The following ELFN1 variants were observed in gnomAD, a reference collection of about 807,000 sequenced individuals.
The protein encoded by ELFN1 is protein ELFN1.
A neutral mutation model predicts 7.6 loss-of-function variants in ELFN1; 6 were observed. That is an observed-to-expected ratio of 0.79 (90% confidence interval 0.43 to 1.56). ELFN1 has a LOEUF of 1.56. ELFN1 is among the 40% of genes most tolerant of loss of function. The probability of loss-of-function intolerance (pLI) is 0.01; values close to 1 mark genes in which losing one functional copy is unlikely to be tolerated. For synonymous variants in ELFN1, 657 were observed against 588.1 expected (o/e 1.12, Z -1.70); for missense variants, 1,169 against 1,232.2 (o/e 0.95, Z 0.77).
At chr7:1,680,541 C>T (rs1048033480) in intron 1 of ELFN1, among the ~76,000 whole-genome samples, 23 of 152,168 alleles carry the variant, frequency 1.5e-4, no homozygotes, top group East Asian at 5.8e-4. Context: ...TCCTGTGCGC[C>T]GACACCGTCA....
chr7:1,700,456 T>A (rs1562365535), intron 2 of ELFN1, among the ~76,000 whole-genome samples: 1 of 152,272 alleles, frequency 6.6e-6, no homozygotes, highest in African/African-American at 2.4e-5. Context: ...AATCTTTGCA[T>A]ACTTCTTCCC....
chr7:1,690,434 T>C (rs1355914632), intron 2 of ELFN1, among the ~76,000 whole-genome samples: 1 of 146,922 alleles, frequency 6.8e-6, no homozygotes, highest in African/African-American at 2.6e-5. Flanking sequence ...AATGGGTGAA[T>C]GGATGGATGA....
chr7:1,684,147 C>A (rs1283991865), intron 1 of ELFN1, among the ~76,000 whole-genome samples: 1 of 151,974 alleles, frequency 6.6e-6, no homozygotes, highest in Non-Finnish European at 1.5e-5. Context: ...GAGACCCTGT[C>A]TCCCCAAAAA....
intron 2 of ELFN1, 68 bp from the exon 3 acceptor site, chr7:1,709,023 C>A (rs969913337): frequency 7.9e-5 from 12 of 152,248 alleles, no homozygotes; most frequent in Non-Finnish European, 1.0e-4. Flanking sequence ...GGTCTTCCAG[C>A]AGCTGAGACG....
At chr7:1,674,184 G>C (rs555719233) in intron 1 of ELFN1, among the ~76,000 whole-genome samples, 2 of 150,542 alleles carry the variant, frequency 1.3e-5, no homozygotes, top group African/African-American at 4.9e-5. Flanking sequence ...CCCAGGAGCC[G>C]GTGGGGAAAC....
At position 1,705,968 on chromosome 7, in the gene ELFN1, C is replaced by T. The variant is rs1020291167; in HGVS notation, c.-455-3123C>T. 2.3e-4 allele frequency among the ~76,000 whole-genome samples: 35 copies of T among 152,304 alleles called. No individual in the cohort carries two copies. Among genetic ancestry groups the T allele is most frequent in the Non-Finnish European group, 2.9e-4 (20 of 68,028 alleles). On this transcript the variant is annotated intron_variant, in intron 2 of 3. Transcript: ENST00000424383. This position sits in a 1 kb window ranked among gnomAD's most constrained non-coding sequence, Gnocchi z 4.3. ...ACCCTGACAAAGGGATGGTCACGAT[C>T]GTCCTTGTTCTACAGGGAGGGAAAC...
At chr7:1,677,319 G>C (rs1778890156) in intron 1 of ELFN1, among the ~76,000 whole-genome samples, 1 of 152,180 alleles carries the variant, frequency 6.6e-6, no homozygotes, top group African/African-American at 2.4e-5. Context: ...CCCTCAGGGT[G>C]CCCACAGAAG....
At chr7:1,687,876 T>C (rs1397980224) in intron 1 of ELFN1, among the ~76,000 whole-genome samples, 182 bp from the exon 2 acceptor site, 1 of 152,094 alleles carries the variant, frequency 6.6e-6, no homozygotes, top group Non-Finnish European at 1.5e-5. Flanking sequence ...TTAAAAGTCA[T>C]ATTTGTCTTT....
rs758680396 is a variant in ELFN1, at chr7:1,744,602, C to T, written c.6C>T (p.Ala2=). 168 of 1,518,240 alleles carry T rather than the reference C, an allele frequency of 1.1e-4. 1 individual carries two copies. Among genetic ancestry groups the T allele is most frequent in the Admixed American group, 6.6e-5 (3 of 45,218 alleles). 94.0% of individuals were successfully genotyped at this position (1,518,240 alleles called of 1,614,324 possible). A position where few individuals can be genotyped will look rare whatever the true frequency, so the allele number is the denominator to read the frequency against. Residue 2 remains alanine (A), a synonymous_variant, in exon 4 of 4, where the codon GCC becomes GCT. Coordinates refer to ENST00000424383, the MANE Select transcript of ELFN1 (RefSeq NM_001128636.4). Reference sequence around the variant, plus strand: ...CTCCCTGCAGGGCGGTCCCGATGGCCGGGCGTGGGTGGGGCGCGCTGTGGG... The same window carrying T: ...CTCCCTGCAGGGCGGTCCCGATGGCTGGGCGTGGGTGGGGCGCGCTGTGGG... M[A]GRGWGALWVC... is the part of the protein sequence containing the mutation.
At chr7:1,708,288 T>TTTTCACC (rs1260591891) in intron 2 of ELFN1, among the ~76,000 whole-genome samples, 1 of 152,118 alleles carries the variant, frequency 6.6e-6, no homozygotes, top group Non-Finnish European at 1.5e-5. Flanking sequence ...AGTACGCTGG[T>TTTTCACC]GAAATGAGAT....
chr7:1,670,190 C>T (rs1193323615), upstream of ELFN1, among the ~76,000 whole-genome samples: 2 of 138,514 alleles, frequency 1.4e-5, no homozygotes, highest in East Asian at 4.2e-4. The surrounding 1 kb of genome is among the most constrained non-coding windows in gnomAD (Gnocchi z 6.4). Context: ...CGGGAGGGGG[C>T]AGGGCGAGCT....
intron 2 of ELFN1, among the ~76,000 whole-genome samples, chr7:1,688,738 A>G (rs984761482): frequency 6.6e-6 from 1 of 152,162 alleles, no homozygotes; most frequent in Non-Finnish European, 1.5e-5. Flanking sequence ...TTACAAAACT[A>G]TAGTACAGTG....
At position 1,745,904 on chromosome 7, in the gene ELFN1, C is replaced by G; in HGVS notation, c.1308C>G (p.Val436=). Residue 436 remains valine (V), a synonymous_variant, in exon 4 of 4, where the codon GTC becomes GTG. Coordinates refer to ENST00000424383, the MANE Select transcript of ELFN1 (RefSeq NM_001128636.4). ...LFGMVLVLGA[V]YYCLRRRRRQ... is the part of the protein sequence containing the mutation. ...GCATGGTGCTGGTGCTGGGCGCCGT[C>G]TACTACTGCCTGCGCAGGCGGCGGC... is the stretch of plus-strand genomic sequence containing the variant. The G allele has an allele frequency of 1.3e-6, 2 of 1,583,548 alleles. No homozygotes were observed. Among genetic ancestry groups the G allele is most frequent in the Non-Finnish European group, 1.7e-6 (2 of 1,166,712 alleles).
chr7:1,679,563 G>A (rs886378718), intron 1 of ELFN1, among the ~76,000 whole-genome samples: 2 of 152,160 alleles, frequency 1.3e-5, no homozygotes, highest in Non-Finnish European at 2.9e-5. Context: ...CCTCAGCCCC[G>A]TCCCTACCGA....
rs1028951484 is a variant in ELFN1, at chr7:1,670,614, C to G, written c.-549+260C>G. ...CCGGGGGCCCGGGTCGGGGTCGCTG[C>G]CGCAGCCCGCACGCTGCCCCGTGCC... On this transcript the variant is annotated intron_variant, in intron 1 of 3. Transcript: ENST00000424383. This position sits in a 1 kb window ranked among gnomAD's most constrained non-coding sequence, Gnocchi z 6.4. Among the ~76,000 whole-genome samples, 1 of 151,984 alleles carries G rather than the reference C, an allele frequency of 6.6e-6. No individual in the cohort carries two copies. The highest frequency in any genetic ancestry group is 1.5e-5 in the Non-Finnish European group (1 of 68,000).
At chr7:1,737,100 C>T (rs1433171918) in intron 3 of ELFN1, among the ~76,000 whole-genome samples, 3 of 152,204 alleles carry the variant, frequency 2.0e-5, no homozygotes, top group Non-Finnish European at 2.9e-5. Context: ...CTTCATGGCT[C>T]GAACACACCC....
chr7:1,746,521 C>G lies in ELFN1; in HGVS notation c.1925C>G (p.Ser642Cys). The change falls in exon 4 of 4, where the codon TCC (serine) becomes TGC (cysteine). Residue 642 changes from serine (S) to cysteine (C), a missense_variant. Transcript: ENST00000424383. ...GGGCCCCCTCGTGCCAGCACCTCGT[C>G]CAGCGGCTCCGTGCGCAGCCCCCGC... The part of the protein sequence containing the change: ...AAGPPRASTS[S>C]SGSVRSPRAF... 1 of 1,457,676 alleles carries G rather than the reference C, an allele frequency of 6.9e-7. No individual in the cohort carries two copies. The highest frequency in any genetic ancestry group is 1.4e-5 in the South Asian group (1 of 72,610). The allele number at this position is 1,457,676 out of a possible 1,614,324, so 90.3% of individuals were successfully genotyped here.
intron 3 of ELFN1, among the ~76,000 whole-genome samples, chr7:1,718,968 C>G (rs1364336258): frequency 6.6e-6 from 1 of 152,124 alleles, no homozygotes; most frequent in East Asian, 1.9e-4. Flanking sequence ...AGGCTGGAAA[C>G]GTGAGCTTCC....
At position 1,744,312 on chromosome 7, in the gene ELFN1, T is replaced by G; in HGVS notation, c.-285T>G. 2.4e-6 allele frequency: 1 copy of G among 419,102 alleles called. No individual in the cohort carries two copies. The highest frequency in any genetic ancestry group is 4.2e-6 in the Non-Finnish European group (1 of 239,008). 26.0% of individuals were successfully genotyped at this position (419,102 alleles called of 1,614,324 possible). A position where few individuals can be genotyped will look rare whatever the true frequency, so the allele number is the denominator to read the frequency against. ...TCTCTCTTGTCTTGCAGCAGGAACG[T>G]CGGAGCAGGAGGAGTCAGTGGAGCC... On this transcript the variant is annotated 5_prime_UTR_variant, in exon 4 of 4. Coordinates refer to ENST00000424383, the MANE Select transcript of ELFN1 (RefSeq NM_001128636.4).
Sources: allele counts gnomAD v4.1 joint callset (sites outside exome capture counted in the v4.1 genomes callset), GRCh38; gene constraint gnomAD v4.1.1; non-coding constraint Gnocchi (gnomAD v3.1); transcripts MANE v1.5; gene names NCBI Gene and HGNC (gene_info 2026-07-23, HGNC 2026-07-21).